The following MYOF variants were observed in gnomAD, a reference collection of about 807,000 sequenced individuals.
MYOF encodes myoferlin.
A neutral mutation model predicts 284.2 loss-of-function variants in MYOF; 244 were observed. The ratio of observed to expected loss-of-function variants is 0.86; its 90% confidence interval spans 0.77 to 0.95. The LOEUF is 0.95. MYOF is among the 40% of genes least tolerant of loss of function. The probability of loss-of-function intolerance (pLI) is 0.00; values close to 1 mark genes in which losing one functional copy is unlikely to be tolerated. For missense variants in MYOF, 2,496 were observed against 2,560.6 expected (o/e 0.97, Z 0.54); for synonymous variants, 904 against 919.7 (o/e 0.98, Z 0.31).
rs199874066 is a variant in MYOF, at chr10:93,463,887, G to A, written c.89-6950C>T. Among the ~76,000 whole-genome samples, 410 of 114,024 alleles carry A rather than the reference G, an allele frequency of 3.6e-3. 5 individuals carry two copies. Among genetic ancestry groups the A allele is most frequent in the East Asian group, 0.033 (85 of 2,610 alleles). The allele number at this position is 114,024 out of a possible 152,430, so 74.8% of individuals were successfully genotyped here. The stretch of plus-strand genomic sequence containing the variant: ...CTCAAAAAAAAAAAAAAAAAAAAAA[G>A]GCCTGAAAGACATCAGGACTCCTGA... On this transcript the variant is annotated intron_variant, in intron 1 of 53. Coordinates refer to ENST00000359263, the MANE Select transcript of MYOF (RefSeq NM_013451.4).
intron 12 of MYOF, 152 bp downstream of exon 12, chr10:93,401,266 A>G (rs886113358): frequency 5.3e-6 from 6 of 1,129,712 alleles, no homozygotes; most frequent in Non-Finnish European, 7.3e-6. Flanking sequence ...GTAGCTTTCA[A>G]CTGGGCCAGA....
intron 3 of MYOF, among the ~76,000 whole-genome samples, chr10:93,440,534 CCATCTGTTATGT>C (rs1297156080): frequency 6.6e-6 from 1 of 152,220 alleles, no homozygotes; most frequent in Non-Finnish European, 1.5e-5. Context: ...TCACTTATCA[CCATCTGTTATGT>C]CATATGTGTA....
At chr10:93,366,280 A>G (rs1845321851) in intron 26 of MYOF, 112 bp downstream of exon 26, 8 of 1,118,374 alleles carry the variant, frequency 7.2e-6, no homozygotes, top group Non-Finnish European at 1.0e-5. Flanking sequence ...AGTTCTGCTC[A>G]GTGGGTGTTA....
Position 93,351,505 on chromosome 10 carries a change from T to C in MYOF, c.3730A>G (p.Ile1244Val), listed in dbSNP as rs760682207. ...PVVKLNSEMDITPKLLWHPVM... is the reference protein window; with the variant it reads ...PVVKLNSEMDVTPKLLWHPVM... ...GGGTGCCAGAGAAGTTTGGGTGTGA[T>C]GTCCATTTCTGAGTTCAGTTTCACC... The change falls in exon 34 of 54, where the codon ATC becomes GTC. Residue 1244 changes from isoleucine to valine, a missense_variant. Around this residue, in one of 3 missense-constraint regions of MYOF, gnomAD observed 2,436 missense variants for 2,480.7 expected, o/e 0.98. Transcript: ENST00000359263. 1.3e-5 allele frequency: 21 copies of C among 1,614,212 alleles called. No homozygotes were observed. The highest frequency in any genetic ancestry group is 1.6e-5 in the Non-Finnish European group (19 of 1,180,022).
At chr10:93,403,953 G>A (rs1847420607) in intron 9 of MYOF, 70 bp downstream of exon 9, 2 of 1,528,862 alleles carry the variant, frequency 1.3e-6, no homozygotes, top group South Asian at 2.2e-5. Flanking sequence ...TGCGTACATA[G>A]GAATCAGATT....
At chr10:93,394,448 C>CTCTTTTT (rs1846871495) in intron 16 of MYOF, among the ~76,000 whole-genome samples, 5 of 28,698 alleles carry the variant, frequency 1.7e-4, no homozygotes, top group Non-Finnish European at 2.0e-4. Context: ...ACCATCTTGT[C>CTCTTTTT]TTTTTTTTTT....
intron 39 of MYOF, 111 bp from the exon 40 acceptor site, chr10:93,338,024 A>G: frequency 3.8e-6 from 3 of 781,954 alleles, no homozygotes; most frequent in Non-Finnish European, 6.5e-6. Flanking sequence ...TGACCCTGTT[A>G]AAAGTGAGAT....
chr10:93,351,231 C>T lies in MYOF; in HGVS notation c.3887G>A (p.Gly1296Glu), dbSNP rs907256385. The T allele has an allele frequency of 6.2e-7, 1 of 1,614,124 alleles. No homozygotes were observed. Among genetic ancestry groups the T allele is most frequent in the Non-Finnish European group, 8.5e-7 (1 of 1,180,028 alleles). Reference sequence around the variant, plus strand: ...AGTGAGCTGGACCACAGGCCTGATCCCCTGGGGGACCATGTATAGATTTGG... The same window carrying T: ...AGTGAGCTGGACCACAGGCCTGATCTCCTGGGGGACCATGTATAGATTTGG... ...RAPNLYMVPQ[G>E]IRPVVQLTAI... Residue 1296 changes from glycine to glutamate, a missense_variant, in exon 35 of 54, where the codon GGG becomes GAG. Gly to Glu is a moderately conservative substitution (Grantham distance 98). Transcript: ENST00000359263.
At chr10:93,478,517 A>C (rs2134413576) in intron 1 of MYOF, 2 of 154,586 alleles carry the variant, frequency 1.3e-5, no homozygotes, top group South Asian at 2.0e-4. Flanking sequence ...GCCCTGAGTA[A>C]TTTGACAGCC....
intron 1 of MYOF, among the ~76,000 whole-genome samples, chr10:93,470,889 G>C (rs2057131378): frequency 6.6e-6 from 1 of 152,144 alleles, no homozygotes. Context: ...AATGAGGAAG[G>C]AGCTGCTAAA....
intron 44 of MYOF, 56 bp downstream of exon 44, chr10:93,329,608 C>T: frequency 6.3e-7 from 1 of 1,597,632 alleles, no homozygotes; most frequent in Non-Finnish European, 8.6e-7. Flanking sequence ...CTAGGCCTCC[C>T]CAGGTGCCAA....
intron 25 of MYOF, among the ~76,000 whole-genome samples, 191 bp from the exon 26 acceptor site, chr10:93,366,746 T>C (rs1227964150): frequency 2.0e-5 from 3 of 152,202 alleles, no homozygotes; most frequent in African/African-American, 4.8e-5. Context: ...ATCATTCAAC[T>C]TTCTAGGACT....
chr10:93,469,075 C>T (rs1051925327), intron 1 of MYOF, among the ~76,000 whole-genome samples: 2 of 152,104 alleles, frequency 1.3e-5, no homozygotes, highest in African/African-American at 4.8e-5. Context: ...GCCTTCAGCA[C>T]CTGCTTGTGT....
chr10:93,406,288 T>TTATATATATATATATATATATATATATA lies in MYOF; in HGVS notation c.730-2097_730-2070dup, dbSNP rs3980375. Among the ~76,000 whole-genome samples the TTATATATATATATATATATATATATATA allele has an allele frequency of 6.1e-3, 353 of 57,968 alleles. 22 individuals are homozygous for TTATATATATATATATATATATATATATA. Among genetic ancestry groups the TTATATATATATATATATATATATATATA allele is most frequent in the East Asian group, 0.013 (6 of 464 alleles). The allele number at this position is 57,968 out of a possible 152,430, so 38.0% of individuals were successfully genotyped here. ...TAGAAATTTTTTTAGTAAACCTCTT[T>TTATATATATATATATATATATATATATA]TATATATATATATATATATATATAT... On this transcript the variant is annotated intron_variant, in intron 7 of 53. Transcript: ENST00000359263.
At chr10:93,401,393 G>A (rs1564687135) in intron 12 of MYOF, 25 bp downstream of exon 12, 3 of 1,610,210 alleles carry the variant, frequency 1.9e-6, no homozygotes, top group Admixed American at 1.7e-5. Flanking sequence ...CAACAATTCT[G>A]GGGCAAGATT....
At chr10:93,424,176 C>T (rs149882230) in intron 5 of MYOF, among the ~76,000 whole-genome samples, 9 of 152,160 alleles carry the variant, frequency 5.9e-5, no homozygotes, top group African/African-American at 2.2e-4. Flanking sequence ...GACAGCAGAC[C>T]TAGGAAACTA....
intron 3 of MYOF, among the ~76,000 whole-genome samples, chr10:93,435,322 C>T (rs1849069567): frequency 6.6e-6 from 1 of 152,202 alleles, no homozygotes; most frequent in Non-Finnish European, 1.5e-5. Flanking sequence ...CAGCGTGTCT[C>T]GACCTCAGCA....
chr10:93,462,350 G>A (rs1046382401), intron 1 of MYOF, among the ~76,000 whole-genome samples: 9 of 152,124 alleles, frequency 5.9e-5, no homozygotes, highest in Non-Finnish European at 1.2e-4. Flanking sequence ...GATTACAGGC[G>A]TGAGACACCG....
chr10:93,426,202 C>G (rs41290210), intron 4 of MYOF, 44 bp from the exon 5 acceptor site: 1 of 1,538,486 alleles, frequency 6.5e-7, no homozygotes, highest in Non-Finnish European at 8.8e-7. Context: ...GTGCAGGGCA[C>G]CAGCATGTTA....
Sources: gnomAD v4.1 joint callset for allele counts (sites outside exome capture counted in the v4.1 genomes callset) on GRCh38, gnomAD v4.1.1 for gene constraint, gnomAD v4.1.1 regional missense constraint, MANE v1.5 for transcripts, NCBI Gene and HGNC (gene_info 2026-07-23, HGNC 2026-07-21) for gene names.